Variants in PCSK2 observed in about 807,000 individuals in gnomAD.
PCSK2 encodes proprotein convertase subtilisin/kexin type 2.
Under a neutral mutation model 69.7 loss-of-function variants are expected in PCSK2, and 14 were observed. The observed-to-expected ratio is 0.20, with a 90% CI of 0.13 to 0.31. PCSK2 has a LOEUF of 0.31. Among genes scored for constraint, PCSK2 ranks in the 10% least tolerant of loss-of-function variants. The pLI, the probability that PCSK2 is intolerant of heterozygous loss-of-function variation, is 1.00. For missense variants in PCSK2, 544 were observed against 842.5 expected (o/e 0.65, Z 4.39); for synonymous variants, 307 against 320.7 (o/e 0.96, Z 0.46).
intron 7 of PCSK2, among the ~76,000 whole-genome samples, chr20:17,436,062 C>G (rs1600578155): frequency 6.6e-6 from 1 of 152,236 alleles, no homozygotes; most frequent in Admixed American, 6.5e-5. Flanking sequence ...CAGAGAGGAA[C>G]ACAAACTTTA....
chr20:17,299,607 C>T (rs963117137), intron 2 of PCSK2, among the ~76,000 whole-genome samples: 12 of 151,898 alleles, frequency 7.9e-5, no homozygotes, highest in Non-Finnish European at 1.2e-4. Context: ...TATTGCAATA[C>T]TAGATATCCT....
chr20:17,476,581 A>G (rs1167338565), intron 11 of PCSK2, among the ~76,000 whole-genome samples: 4 of 152,238 alleles, frequency 2.6e-5, no homozygotes, highest in Non-Finnish European at 5.9e-5. Flanking sequence ...ATACACATAT[A>G]GACACGTTAT....
At chr20:17,292,969 C>T (rs1398493869) in intron 2 of PCSK2, among the ~76,000 whole-genome samples, 1 of 151,996 alleles carries the variant, frequency 6.6e-6, no homozygotes, top group Non-Finnish European at 1.5e-5. Context: ...GGACTACAGG[C>T]ACGCAGCATT....
At chr20:17,250,882 T>C (rs1600410612) in intron 1 of PCSK2, among the ~76,000 whole-genome samples, 1 of 152,130 alleles carries the variant, frequency 6.6e-6, no homozygotes, top group East Asian at 1.9e-4. Context: ...GGCAGATCAC[T>C]TGGGGTCAGG....
At chr20:17,280,421 TG>T (rs1236198857) in intron 2 of PCSK2, among the ~76,000 whole-genome samples, 1 of 152,190 alleles carries the variant, frequency 6.6e-6, no homozygotes, top group African/African-American at 2.4e-5. Flanking sequence ...GGGTCAAATT[TG>T]TGTTTTGGTC....
intron 1 of PCSK2, among the ~76,000 whole-genome samples, chr20:17,235,815 T>G (rs564339829): frequency 6.6e-6 from 1 of 152,234 alleles, no homozygotes; most frequent in Admixed American, 6.5e-5. Context: ...AAAAAGTGAA[T>G]CCTTCCATTT....
chr20:17,307,033 T>A (rs1568595630), intron 2 of PCSK2, among the ~76,000 whole-genome samples: 1 of 152,210 alleles, frequency 6.6e-6, no homozygotes, highest in Non-Finnish European at 1.5e-5. Flanking sequence ...ATCAGCCAAG[T>A]CAACCTAGAA....
intron 5 of PCSK2, among the ~76,000 whole-genome samples, chr20:17,402,691 A>G (rs1233870114): frequency 6.7e-6 from 1 of 149,160 alleles, no homozygotes; most frequent in Non-Finnish European, 1.5e-5. Context: ...ATGGTGGCTC[A>G]TGCCTGTAAT....
chr20:17,248,173 A>AGG (rs200288553), intron 1 of PCSK2, among the ~76,000 whole-genome samples: 7 of 87,110 alleles, frequency 8.0e-5, no homozygotes, highest in Admixed American at 1.4e-4. Flanking sequence ...GATATAAAAA[A>AGG]GGGTGTGTGT....
Position 17,453,807 on chromosome 20 carries a change from C to T in PCSK2, c.951C>T (p.Cys317=). ...GGGACGGCGGCAGCTATGACGACTG[C>T]AACTGCGACGGCTACGCCTCCAGCA... ...ASGDGGSYDD[C]NCDGYASSMW... Residue 317 remains cysteine (C), a synonymous_variant, in exon 9 of 12, where the codon TGC becomes TGT. Coordinates refer to ENST00000262545, the MANE Select transcript of PCSK2 (RefSeq NM_002594.5). The surrounding 1 kb of genome is among the most constrained non-coding windows in gnomAD (Gnocchi z 4.0). 2 of 1,614,196 alleles carry T rather than the reference C, an allele frequency of 1.2e-6. No individual in the cohort carries two copies. The highest frequency in any genetic ancestry group is 1.7e-6 in the Non-Finnish European group (2 of 1,180,018).
chr20:17,270,118 T>C (rs908765474), intron 2 of PCSK2, among the ~76,000 whole-genome samples: 1 of 152,286 alleles, frequency 6.6e-6, no homozygotes, highest in East Asian at 1.9e-4. Context: ...TATAATCGTA[T>C]GTCTATCTAG....
At chr20:17,295,048 TA>T (rs1988840150) in intron 2 of PCSK2, among the ~76,000 whole-genome samples, 1 of 152,182 alleles carries the variant, frequency 6.6e-6, no homozygotes, top group African/African-American at 2.4e-5. Context: ...TAATAGTTTT[TA>T]ATTGCTTGGA....
At chr20:17,461,916 C>CA (rs1014304951) in intron 10 of PCSK2, among the ~76,000 whole-genome samples, 4 of 152,164 alleles carry the variant, frequency 2.6e-5, no homozygotes, top group South Asian at 2.1e-4. Flanking sequence ...TAAATACATA[C>CA]ACCTACTGTG....
At chr20:17,331,597 C>T (rs1246813448) in intron 2 of PCSK2, among the ~76,000 whole-genome samples, 1 of 152,182 alleles carries the variant, frequency 6.6e-6, no homozygotes, top group Non-Finnish European at 1.5e-5. Context: ...AAAATCCAAA[C>T]AGCCAGTCTG....
intron 1 of PCSK2, among the ~76,000 whole-genome samples, chr20:17,230,046 C>G (rs141107791): frequency 5.8e-4 from 89 of 152,328 alleles, no homozygotes; most frequent in African/African-American, 2.0e-3. Flanking sequence ...GTTTTGCCAG[C>G]CTTGAAGGAA....
At chr20:17,297,676 T>C (rs933079704) in intron 2 of PCSK2, among the ~76,000 whole-genome samples, 1 of 152,218 alleles carries the variant, frequency 6.6e-6, no homozygotes, top group African/African-American at 2.4e-5. Context: ...ATCAGGGTTA[T>C]CCTCTTCGTG....
At chr20:17,397,932 G>C (rs916426624) in intron 5 of PCSK2, among the ~76,000 whole-genome samples, 33 of 152,268 alleles carry the variant, frequency 2.2e-4, no homozygotes, top group African/African-American at 7.2e-4. Context: ...TTCAGTCTGA[G>C]ACATGCCAAG....
chr20:17,366,474 C>T (rs117385538), intron 4 of PCSK2, among the ~76,000 whole-genome samples: 3 of 152,166 alleles, frequency 2.0e-5, no homozygotes, highest in Non-Finnish European at 2.9e-5. Flanking sequence ...TTTCCAGGAC[C>T]GACACTGTGC....
At chr20:17,473,727 C>G (rs145763092) in intron 11 of PCSK2, among the ~76,000 whole-genome samples, 1 of 152,136 alleles carries the variant, frequency 6.6e-6, no homozygotes, top group Non-Finnish European at 1.5e-5. Context: ...CCCAATGCCA[C>G]GATGCCAGCC....
Sources: allele counts gnomAD v4.1 joint callset (sites outside exome capture counted in the v4.1 genomes callset), GRCh38; gene constraint gnomAD v4.1.1; non-coding constraint Gnocchi (gnomAD v3.1); transcripts MANE v1.5; gene names NCBI Gene and HGNC (gene_info 2026-07-23, HGNC 2026-07-21).